The following NRG3 variants were observed in gnomAD, a reference collection of about 807,000 sequenced individuals.
The protein encoded by NRG3 is pro-neuregulin-3, membrane-bound isoform.
Under a neutral mutation model 66.9 loss-of-function variants are expected in NRG3, and 31 were observed. The observed-to-expected ratio is 0.46, with a 90% CI of 0.35 to 0.63. The LOEUF (loss-of-function observed/expected upper bound fraction) is 0.63, where lower values mean the gene tolerates loss of function less well. Ranked by LOEUF, NRG3 falls within the 20% of genes least tolerant of loss-of-function variation. NRG3 has a pLI of 0.00. For missense variants in NRG3, 910 were observed against 878.9 expected, an observed-to-expected ratio of 1.04 and a Z score of -0.45; for synonymous variants, 393 against 359.4, an observed-to-expected ratio of 1.09 and a Z score of -1.06.
intron 2 of NRG3, among the ~76,000 whole-genome samples, chr10:82,663,781 A>G (rs2052553176): frequency 6.6e-6 from 1 of 152,226 alleles, no homozygotes; most frequent in African/African-American, 2.4e-5. Flanking sequence ...GTTACAGCCA[A>G]CCTTCCACTT....
At chr10:82,179,240 T>C (rs546144163) in intron 1 of NRG3, among the ~76,000 whole-genome samples, 5 of 152,200 alleles carry the variant, frequency 3.3e-5, no homozygotes, top group Non-Finnish European at 7.4e-5. Flanking sequence ...GTGCAGAAGC[T>C]TTTTAGTTTG....
intron 2 of NRG3, among the ~76,000 whole-genome samples, chr10:82,396,630 A>T (rs2086731752): frequency 6.6e-6 from 1 of 152,188 alleles, no homozygotes; most frequent in Non-Finnish European, 1.5e-5. Flanking sequence ...TGTTATTTAC[A>T]TAGTGATTTG....
intron 2 of NRG3, among the ~76,000 whole-genome samples, chr10:82,612,556 T>C (rs1380306180): frequency 6.6e-6 from 1 of 152,234 alleles, no homozygotes. Context: ...GGAAGAATTA[T>C]GCCACATACT....
chr10:82,248,182 G>A (rs967700432), intron 1 of NRG3, among the ~76,000 whole-genome samples: 1 of 152,128 alleles, frequency 6.6e-6, no homozygotes, highest in Non-Finnish European at 1.5e-5. Context: ...CAGTTCACTA[G>A]CTCTTTCAAA....
intron 3 of NRG3, among the ~76,000 whole-genome samples, chr10:82,824,557 G>A (rs536166410): frequency 6.6e-6 from 1 of 152,154 alleles, no homozygotes; most frequent in African/African-American, 2.4e-5. Context: ...TTTGATTCTA[G>A]TTATAGTAGT....
rs546863514 is a variant in NRG3, at chr10:82,266,186, C to T, written c.824-92553C>T. ...CATCTGGAACACTTGTGTTCCCTGC[C>T]GGGATTGATAAAATACAGGGTCTAA... On this transcript the variant is annotated intron_variant, in intron 1 of 8. Transcript: ENST00000372141. Among the ~76,000 whole-genome samples, 173 of 152,150 alleles carry T rather than the reference C, an allele frequency of 1.1e-3. 1 individual carries two copies. Among genetic ancestry groups the T allele is most frequent in the Non-Finnish European group, 2.0e-3 (137 of 68,006 alleles).
chr10:81,970,068 A>ATG (rs2059874526), intron 1 of NRG3, among the ~76,000 whole-genome samples: 2 of 152,166 alleles, frequency 1.3e-5, no homozygotes, highest in Non-Finnish European at 2.9e-5. Context: ...GCTAGTGATA[A>ATG]TGTTTGTACC....
chr10:82,413,508 C>T (rs951642398), intron 2 of NRG3, among the ~76,000 whole-genome samples: 2 of 152,048 alleles, frequency 1.3e-5, no homozygotes, highest in Non-Finnish European at 2.9e-5. Flanking sequence ...TTACAGTTTC[C>T]GGAATGATAA....
intron 2 of NRG3, among the ~76,000 whole-genome samples, chr10:82,708,354 G>A (rs1281810270): frequency 3.9e-5 from 6 of 152,040 alleles, no homozygotes; most frequent in Non-Finnish European, 5.9e-5. Context: ...GTGCAGATTT[G>A]TTACATGAGT....
chr10:82,210,274 T>A (rs1030290154), intron 1 of NRG3, among the ~76,000 whole-genome samples: 2 of 152,188 alleles, frequency 1.3e-5, no homozygotes, highest in Admixed American at 1.3e-4. Context: ...TAAGGTAAAG[T>A]TATTAAAGTC....
intron 3 of NRG3, among the ~76,000 whole-genome samples, chr10:82,824,310 A>G (rs1286891644): frequency 6.6e-6 from 1 of 152,190 alleles, no homozygotes; most frequent in Non-Finnish European, 1.5e-5. Context: ...GATTATTATA[A>G]ACAATGCTTC....
intron 2 of NRG3, among the ~76,000 whole-genome samples, chr10:82,621,065 A>G (rs778904120): frequency 6.6e-6 from 1 of 152,258 alleles, no homozygotes; most frequent in South Asian, 2.1e-4. Context: ...TTAATTGCCC[A>G]GTGTCACTAT....
chr10:82,591,293 TC>T (rs2046968690), intron 2 of NRG3, among the ~76,000 whole-genome samples: 1 of 152,200 alleles, frequency 6.6e-6, no homozygotes, highest in South Asian at 2.1e-4. Flanking sequence ...AGGATAGGCA[TC>T]CCAAATTGAT....
chr10:82,193,860 G>A (rs2074300962), intron 1 of NRG3, among the ~76,000 whole-genome samples: 1 of 152,114 alleles, frequency 6.6e-6, no homozygotes, highest in Non-Finnish European at 1.5e-5. Flanking sequence ...TAAATGTTGA[G>A]GCTTAACGGC....
intron 3 of NRG3, among the ~76,000 whole-genome samples, chr10:82,853,654 T>G (rs1349347931): frequency 2.0e-5 from 3 of 152,230 alleles, no homozygotes; most frequent in Admixed American, 1.3e-4. Context: ...TAATTTTGTA[T>G]CCTGAAACTT....
At chr10:81,932,167 T>G (rs1847419513) in intron 1 of NRG3, among the ~76,000 whole-genome samples, 1 of 139,324 alleles carries the variant, frequency 7.2e-6, no homozygotes, top group African/African-American at 2.7e-5. Flanking sequence ...AGAGAGAGAT[T>G]GAGAGAGAGG....
At chr10:82,593,065 T>C (rs2047074089) in intron 2 of NRG3, among the ~76,000 whole-genome samples, 1 of 152,214 alleles carries the variant, frequency 6.6e-6, no homozygotes, top group African/African-American at 2.4e-5. Flanking sequence ...TTTCTCACTC[T>C]CTTAGTTTAT....
chr10:82,705,923 A>C (rs1187922221), intron 2 of NRG3, among the ~76,000 whole-genome samples: 1 of 152,208 alleles, frequency 6.6e-6, no homozygotes, highest in African/African-American at 2.4e-5. Flanking sequence ...CATTTAAGGT[A>C]AAAACTATTG....
At chr10:82,704,294 A>T (rs74599336) in intron 2 of NRG3, among the ~76,000 whole-genome samples, 3,234 of 152,170 alleles carry the variant, frequency 0.021, 129 homozygotes, top group African/African-American at 0.074. Context: ...TTTCCCGATT[A>T]AATGTTCAGA....
Sources: gnomAD v4.1 joint callset for allele counts (sites outside exome capture counted in the v4.1 genomes callset) on GRCh38, gnomAD v4.1.1 for gene constraint, MANE v1.5 for transcripts, NCBI Gene and HGNC (gene_info 2026-07-23, HGNC 2026-07-21) for gene names.